Variants in MAF observed in about 807,000 individuals in gnomAD.
MAF encodes transcription factor Maf.
In MAF, 10 loss-of-function variants were observed where a neutral mutation model predicts 22.0. The ratio of observed to expected loss-of-function variants is 0.45; its 90% confidence interval spans 0.28 to 0.77. The LOEUF (loss-of-function observed/expected upper bound fraction) is 0.77. Among genes scored for constraint, MAF ranks in the 30% least tolerant of loss-of-function variants. The pLI is 0.12. For synonymous variants in MAF, 337 were observed against 255.8 expected (o/e 1.32, Z -3.03); for missense variants, 544 against 548.4 (o/e 0.99, Z 0.08).
chr16:79,407,453 C>T, the MAF span, among the ~76,000 whole-genome samples: 1 of 152,258 alleles, frequency 6.6e-6, no homozygotes, highest in South Asian at 2.1e-4. Flanking sequence ...TTGAAAGTTT[C>T]TCTCTCTTCC....
chr16:79,410,973 C>T, the MAF span, among the ~76,000 whole-genome samples: 1 of 152,190 alleles, frequency 6.6e-6, no homozygotes, highest in Non-Finnish European at 1.5e-5. Context: ...CTTGACTTTT[C>T]CTTAGATATC....
the MAF span, among the ~76,000 whole-genome samples, chr16:79,332,976 C>G: frequency 1.1e-4 from 16 of 152,216 alleles, no homozygotes; most frequent in African/African-American, 3.1e-4. Flanking sequence ...GCCCAGCTCA[C>G]CCCCTGTCTC....
the MAF span, chr16:79,206,248 A>G: frequency 6.6e-6 from 1 of 152,292 alleles, no homozygotes; most frequent in African/African-American, 2.4e-5. Context: ...AAGGCGGCAG[A>G]GCAGGCAGAG....
the MAF span, among the ~76,000 whole-genome samples, chr16:79,573,973 G>A: frequency 6.6e-6 from 1 of 152,258 alleles, no homozygotes; most frequent in South Asian, 2.1e-4. Flanking sequence ...GTACCTAATT[G>A]CTTATTCAGG....
At chr16:79,585,776 G>T (rs1040155566), downstream of MAF, 8 of 579,524 alleles carry the variant, frequency 1.4e-5, no homozygotes, top group African/African-American at 1.5e-4. Context: ...AAAGTTAGCA[G>T]CATTCCTTGT....
chr16:79,247,895 T>C, the MAF span, among the ~76,000 whole-genome samples: 1 of 152,252 alleles, frequency 6.6e-6, no homozygotes, highest in Non-Finnish European at 1.5e-5. Context: ...TGTAAAATTC[T>C]GGAATGAGTG....
At chr16:79,327,282 C>A in the MAF span, among the ~76,000 whole-genome samples, 4 of 152,282 alleles carry the variant, frequency 2.6e-5, no homozygotes, top group East Asian at 5.8e-4. Context: ...TGGCACAACC[C>A]CTGACTTCTT....
chr16:79,389,088 T>A, the MAF span, among the ~76,000 whole-genome samples: 4 of 152,136 alleles, frequency 2.6e-5, no homozygotes, highest in East Asian at 5.8e-4. Context: ...TGTCTGGTTG[T>A]AGGGGGCTGG....
chr16:79,366,285 C>G, the MAF span, among the ~76,000 whole-genome samples: 2 of 152,170 alleles, frequency 1.3e-5, no homozygotes, highest in East Asian at 3.9e-4. Flanking sequence ...GTCATGGTAC[C>G]AAATATCTGT....
chr16:79,561,521 G>A, the MAF span, among the ~76,000 whole-genome samples: 3 of 144,232 alleles, frequency 2.1e-5, no homozygotes, highest in East Asian at 2.1e-4. Flanking sequence ...CTGTGCCCAC[G>A]TGTTCTCATT....
the MAF span, among the ~76,000 whole-genome samples, chr16:79,423,411 G>A: frequency 2.6e-5 from 4 of 152,134 alleles, no homozygotes; most frequent in Non-Finnish European, 2.9e-5. Flanking sequence ...GGGCCGTGGA[G>A]GCTATGGTGA....
At chr16:79,297,947 A>G in the MAF span, among the ~76,000 whole-genome samples, 2 of 152,238 alleles carry the variant, frequency 1.3e-5, no homozygotes, top group East Asian at 3.9e-4. Flanking sequence ...CCAGGAGTTA[A>G]TATTTGCAAA....
At chr16:79,498,519 C>T in the MAF span, among the ~76,000 whole-genome samples, 5 of 152,226 alleles carry the variant, frequency 3.3e-5, no homozygotes, top group African/African-American at 1.2e-4. Context: ...TTCACTTTGC[C>T]TGCTCCTGGC....
chr16:79,498,625 A>T, the MAF span, among the ~76,000 whole-genome samples: 4 of 152,326 alleles, frequency 2.6e-5, no homozygotes, highest in African/African-American at 9.6e-5. Flanking sequence ...TAGTACGCCC[A>T]TTATGCATAT....
chr16:79,332,274 G>C, the MAF span, among the ~76,000 whole-genome samples: 2 of 152,122 alleles, frequency 1.3e-5, no homozygotes, highest in Admixed American at 6.5e-5. Context: ...CCCTAGGTAA[G>C]ATTGTAAAAA....
the MAF span, among the ~76,000 whole-genome samples, chr16:79,491,553 T>C: frequency 6.6e-6 from 1 of 151,936 alleles, no homozygotes; most frequent in African/African-American, 2.4e-5. Flanking sequence ...AGGTAGAACC[T>C]TGGTTTCTAA....
the MAF span, among the ~76,000 whole-genome samples, chr16:79,366,067 C>A: frequency 6.6e-6 from 1 of 152,130 alleles, no homozygotes; most frequent in Non-Finnish European, 1.5e-5. Flanking sequence ...ATTTAAGTTT[C>A]TGTTGTATTT....
the MAF span, among the ~76,000 whole-genome samples, chr16:79,494,588 T>A: frequency 6.6e-6 from 1 of 152,052 alleles, no homozygotes; most frequent in Admixed American, 6.6e-5. Flanking sequence ...CTCAATCACA[T>A]CTGCAAAGTT....
the MAF span, among the ~76,000 whole-genome samples, chr16:79,260,509 A>ATATC: frequency 3.1e-4 from 13 of 42,120 alleles, no homozygotes; most frequent in African/African-American, 9.2e-4. Context: ...ATATCTATAT[A>ATATC]TTTGTCTGTT....
Sources: gnomAD v4.1 joint callset for allele counts (sites outside exome capture counted in the v4.1 genomes callset) on GRCh38, gnomAD v4.1.1 for gene constraint, MANE v1.5 for transcripts, NCBI Gene and HGNC (gene_info 2026-07-23, HGNC 2026-07-21) for gene names.